Variants in ZNF630 observed in about 807,000 individuals in gnomAD.
ZNF630 encodes zinc finger protein 630.
A neutral mutation model predicts 7.2 loss-of-function variants in ZNF630; 5 were observed. The observed-to-expected ratio is 0.70, with a 90% CI of 0.36 to 1.46. The LOEUF (loss-of-function observed/expected upper bound fraction) is 1.46. Among genes scored for constraint, ZNF630 ranks in the 40% most tolerant of loss-of-function variants. ZNF630 has a pLI of 0.03. For missense variants in ZNF630, 461 were observed against 477.0 expected, an observed-to-expected ratio of 0.97 and a Z score of 0.31; for synonymous variants, 158 against 162.8, an observed-to-expected ratio of 0.97 and a Z score of 0.23.
intron 1 of ZNF630, chrX:48,071,014 T>G (rs1340782232): frequency 6.5e-5 from 7 of 107,605 alleles, no homozygotes; most frequent in African/African-American, 2.1e-4. Flanking sequence ...AGACCACCCA[T>G]CACTCACCCC....
Position 48,058,916 on chromosome X carries a change from T to G in ZNF630, c.1526A>C (p.His509Pro), listed in dbSNP as rs1556908363. The G allele has an allele frequency of 1.4e-5, 17 of 1,208,699 alleles. No individual in the cohort carries two copies. Among genetic ancestry groups the G allele is most frequent in the Non-Finnish European group, 1.9e-5 (17 of 893,313 alleles). The change falls in exon 5 of 5, where the codon CAT becomes CCT. Residue 509 changes from histidine to proline, a missense_variant. Physicochemically the swap from His to Pro is moderately conservative, Grantham distance 77. Coordinates refer to ENST00000276054, the MANE Select transcript of ZNF630 (RefSeq NM_001282201.2). ...KSPLIIHQRI[H>P]TGEKPYQCGE... The stretch of plus-strand genomic sequence containing the variant: ...ACACTGATAAGGTTTCTCCCCTGTA[T>G]GAATTCTCTGGTGTATGATAAGAGG...
At chrX:48,067,163 G>A (rs1472495782) in intron 1 of ZNF630, 102 bp from the exon 2 acceptor site, 7 of 316,348 alleles carry the variant, frequency 2.2e-5, no homozygotes, top group Non-Finnish European at 3.9e-5. Context: ...CAAATGCCCA[G>A]CACTAAAGAC....
Position 48,071,594 on chromosome X carries a change from G to C in ZNF630, c.-503C>G, listed in dbSNP as rs1603238601. 9.0e-6 allele frequency: 1 copy of C among 111,064 alleles called. No homozygotes were observed. The highest frequency in any genetic ancestry group is 1.9e-5 in the Non-Finnish European group (1 of 52,938). 9.2% of individuals were successfully genotyped at this position (111,064 alleles called of 1,213,427 possible). A position where few individuals can be genotyped will look rare whatever the true frequency, so the allele number is the denominator to read the frequency against. On this transcript the variant is annotated 5_prime_UTR_variant, in exon 1 of 5. Coordinates refer to ENST00000276054, the MANE Select transcript of ZNF630 (RefSeq NM_001282201.2). The stretch of plus-strand genomic sequence containing the variant: ...TTTGGGTATTCGGAATTGATCCTAC[G>C]AAAGCAGTGTGAGGCTTGGAAGGGC...
intron 1 of ZNF630, among the ~76,000 whole-genome samples, chrX:48,070,450 C>T (rs2059155007): frequency 1.9e-5 from 2 of 107,147 alleles, no homozygotes; most frequent in African/African-American, 6.8e-5. Context: ...GTCTCTACTA[C>T]AAATACAAAA....
intron 2 of ZNF630, among the ~76,000 whole-genome samples, chrX:48,063,758 G>GTGT (rs2146505877): frequency 9.1e-6 from 1 of 110,424 alleles, no homozygotes; most frequent in East Asian, 2.8e-4. Context: ...CGTGGTGGCA[G>GTGT]GCACTTGTAA....
rs145045975 is a variant in ZNF630 at position 48,059,293 on chromosome X, G to A, written c.1149C>T (p.Ala383=). 4.7e-3 allele frequency: 5,703 copies of A among 1,206,811 alleles called. 44 individuals are homozygous for A. Among genetic ancestry groups the A allele is most frequent in the Middle Eastern group, 0.018 (80 of 4,347 alleles). Residue 383 remains alanine (A), a synonymous_variant, in exon 5 of 5, where the codon GCC becomes GCT. Transcript: ENST00000276054. ...TAAAAAGGTGAGACATCTCACAGAA[G>A]GCTTTCCTGCATTCACTGCATTCAA... ...KPFECSECRK[A]FCEMSHLFIH...
In ZNF630 at chrX:48,060,017, A is replaced by T. The variant is rs2059095704; in HGVS notation, c.425T>A (p.Ile142Asn). 13 of 1,208,059 alleles carry T rather than the reference A, an allele frequency of 1.1e-5. 1 individual carries two copies. The highest frequency in any genetic ancestry group is 2.3e-4 in the Middle Eastern group (1 of 4,348). The part of the protein sequence containing the change: ...QDRVLRQVTV[I>N]SRETLTDEMG... ...CTCATCAGTCAATGTTTCACGACTG[A>T]TGACTGTGACCTGCCTCAAAACTCT... Residue 142 changes from isoleucine to asparagine, a missense_variant, in exon 5 of 5, where the codon ATC (isoleucine) becomes AAC (asparagine). Ile to Asn is a moderately radical substitution (Grantham distance 149). Coordinates refer to ENST00000276054, the MANE Select transcript of ZNF630 (RefSeq NM_001282201.2).
At chrX:48,070,432 G>T (rs1207043184) in intron 1 of ZNF630, among the ~76,000 whole-genome samples, 1 of 107,202 alleles carries the variant, frequency 9.3e-6, no homozygotes, top group East Asian at 3.0e-4. Flanking sequence ...CCAACATGGC[G>T]AAACCCTGTC....
At chrX:48,065,460 AGAG>A (rs2059126140) in intron 2 of ZNF630, among the ~76,000 whole-genome samples, 3 of 83,489 alleles carry the variant, frequency 3.6e-5, no homozygotes. Flanking sequence ...AAAGAAAGAG[AGAG>A]AGAGAGAGAG....
intron 4 of ZNF630, 71 bp from the exon 5 acceptor site, chrX:48,060,274 C>A (rs868988298): frequency 1.4e-5 from 11 of 787,683 alleles, no homozygotes; most frequent in African/African-American, 7.4e-5. Flanking sequence ...CACACACACA[C>A]ACACACACAC....
rs782384102 is a variant in ZNF630 at position 48,059,546 on chromosome X, G to C, written c.896C>G (p.Ala299Gly). The stretch of plus-strand genomic sequence containing the variant: ...AATGAGGTGTGATTTCTCACTGAAG[G>C]CTTTCCTACAATCTCCACATACATA... Reference protein sequence around the residue: ...KPYVCGDCRKAFSEKSHLIVH... With the variant: ...KPYVCGDCRKGFSEKSHLIVH... Residue 299 changes from alanine (A) to glycine (G), a missense_variant, in exon 5 of 5, where the codon GCC becomes GGC. Coordinates refer to ENST00000276054, the MANE Select transcript of ZNF630 (RefSeq NM_001282201.2). 1 of 1,207,458 alleles carries C rather than the reference G, an allele frequency of 8.3e-7. No individual in the cohort carries two copies. Among genetic ancestry groups the C allele is most frequent in the Non-Finnish European group, 1.1e-6 (1 of 892,980 alleles).
In ZNF630 at chrX:48,058,759, A is replaced by C. The variant is rs782040387; in HGVS notation, c.1683T>G (p.His561Gln). Residue 561 changes from histidine to glutamine, a missense_variant, in exon 5 of 5, where the codon CAT becomes CAG. By Grantham distance (24) the His-to-Gln change is conservative (BLOSUM62 0). Transcript: ENST00000276054. Reference protein sequence around the residue: ...AFSLKSHLILHQRGHTGEKPY... With the variant: ...AFSLKSHLILQQRGHTGEKPY... ...GTTTCTCTCCAGTATGACCTCTCTG[A>C]TGTAGAATGAGATGTGACTTCAGGG... 8 of 1,204,945 alleles carry C rather than the reference A, an allele frequency of 6.6e-6. No homozygotes were observed. Among genetic ancestry groups the C allele is most frequent in the Non-Finnish European group, 9.0e-6 (8 of 892,024 alleles).
chrX:48,063,778 C>G (rs2059117734), intron 2 of ZNF630, among the ~76,000 whole-genome samples: 1 of 110,441 alleles, frequency 9.1e-6, no homozygotes, highest in African/African-American at 3.3e-5. Context: ...ATCCCTGCTA[C>G]TCCGGAGGCT....
At position 48,060,301 on chromosome X, in the gene ZNF630, T is replaced by C. The variant is rs782536712; in HGVS notation, c.239-98A>G. ...CACACACACACAAAACAGTTGGCAA[T>C]GAACAGAGGTACTAGGAAGGTGGCT... On this transcript the variant is annotated intron_variant, in intron 4 of 4. Coordinates refer to ENST00000276054, the MANE Select transcript of ZNF630 (RefSeq NM_001282201.2). 8.6e-5 allele frequency: 84 copies of C among 972,657 alleles called. 1 individual carries two copies. The highest frequency in any genetic ancestry group is 1.1e-4 in the Non-Finnish European group (81 of 734,328). The allele number at this position is 972,657 out of a possible 1,213,427, so 80.2% of individuals were successfully genotyped here.
chrX:48,058,105 G>GA lies in ZNF630; in HGVS notation c.*362dup, dbSNP rs1453881232. The GA allele has an allele frequency of 1.4e-5, 2 of 144,258 alleles. No individual in the cohort carries two copies. The highest frequency in any genetic ancestry group is 2.7e-5 in the Non-Finnish European group (2 of 75,319). The allele number at this position is 144,258 out of a possible 1,213,427, so 11.9% of individuals were successfully genotyped here. A position where few individuals can be genotyped will look rare whatever the true frequency, so the allele number is the denominator to read the frequency against. ...TATATAATCTAAACAGAAAAATATG[G>GA]AAAAAATAGAGAAAGATGACAAAGA... On this transcript the variant is annotated 3_prime_UTR_variant, in exon 5 of 5. Coordinates refer to ENST00000276054, the MANE Select transcript of ZNF630 (RefSeq NM_001282201.2).
At chrX:48,069,841 G>GTTTTTTTTTTTTTTTTTTTTTTT (rs1210374790) in intron 1 of ZNF630, among the ~76,000 whole-genome samples, 6 of 41,134 alleles carry the variant, frequency 1.5e-4, no homozygotes, top group South Asian at 2.0e-3. Flanking sequence ...GACATTGTCT[G>GTTTTTTTTTTTTTTTTTTTTTTT]TTTTTTTTTT....
At position 48,058,844 on chromosome X, in the gene ZNF630, T is replaced by G. The variant is rs368243135; in HGVS notation, c.1598A>C (p.His533Pro). ...TTTCTCCCCTGTGTGAACTCTCAGA[T>G]GAATAATGAGGAGTGATTTCTGGGA... is the stretch of plus-strand genomic sequence containing the variant. ...TFSQKSLLII[H>P]LRVHTGEKPY... Residue 533 changes from histidine (H) to proline (P), a missense_variant, in exon 5 of 5, where the codon CAT (histidine) becomes CCT (proline). Physicochemically the swap from His to Pro is moderately conservative, Grantham distance 77. Coordinates refer to ENST00000276054, the MANE Select transcript of ZNF630 (RefSeq NM_001282201.2). 1 of 1,204,966 alleles carries G rather than the reference T, an allele frequency of 8.3e-7. No homozygotes were observed. Among genetic ancestry groups the G allele is most frequent in the Non-Finnish European group, 1.1e-6 (1 of 891,804 alleles).
At chrX:48,066,609 G>A (rs1402049337) in intron 2 of ZNF630, 3 of 372,572 alleles carry the variant, frequency 8.1e-6, no homozygotes, top group Non-Finnish European at 1.4e-5. Flanking sequence ...GAGCTGGACT[G>A]ATTTCTTTTT....
chrX:48,058,038 A>G lies in ZNF630; in HGVS notation c.*430T>C, dbSNP rs1370892340. Reference sequence around the variant, plus strand: ...GCCACTGCACTCCAGCCTGGGTAACAGAGCGAGACTCCATCTCAAAATAAA... The same window carrying G: ...GCCACTGCACTCCAGCCTGGGTAACGGAGCGAGACTCCATCTCAAAATAAA... On this transcript the variant is annotated 3_prime_UTR_variant, in exon 5 of 5. Coordinates refer to ENST00000276054, the MANE Select transcript of ZNF630 (RefSeq NM_001282201.2). 3 of 113,189 alleles carry G rather than the reference A, an allele frequency of 2.7e-5. No homozygotes were observed. The highest frequency in any genetic ancestry group is 1.9e-4 in the Admixed American group (2 of 10,597). The allele number at this position is 113,189 out of a possible 1,213,427, so 9.3% of individuals were successfully genotyped here.
Sources: allele counts gnomAD v4.1 joint callset (sites outside exome capture counted in the v4.1 genomes callset), GRCh38; gene constraint gnomAD v4.1.1; transcripts MANE v1.5; gene names NCBI Gene and HGNC (gene_info 2026-07-23, HGNC 2026-07-21).